The following RIT2 variants were observed in gnomAD, a reference collection of about 807,000 sequenced individuals.
The protein encoded by RIT2 is Ras like without CAAX 2.
RIT2 carries 24 observed loss-of-function variants against 23.7 expected under a neutral mutation model. The ratio of observed to expected loss-of-function variants is 1.01; its 90% CI spans 0.73 to 1.43. The LOEUF (loss-of-function observed/expected upper bound fraction) is 1.43, where lower values mean the gene tolerates loss of function less well. Among genes scored for constraint, RIT2 ranks in the 40% most tolerant of loss-of-function variants. RIT2 has a pLI of 0.00. For missense variants in RIT2, 236 were observed against 266.9 expected (o/e 0.88, Z 0.81); for synonymous variants, 107 against 91.1 (o/e 1.17, Z -0.99).
chr18:42,968,011 G>A (rs546936386), intron 3 of RIT2, among the ~76,000 whole-genome samples: 1 of 152,098 alleles, frequency 6.6e-6, no homozygotes, highest in African/African-American at 2.4e-5. Flanking sequence ...ATATCAAATA[G>A]ACTCAGAACG....
At chr18:42,757,343 T>C (rs190115374) in intron 4 of RIT2, among the ~76,000 whole-genome samples, 47 of 152,320 alleles carry the variant, frequency 3.1e-4, no homozygotes, top group African/African-American at 1.1e-3. Flanking sequence ...CGGGTCATCA[T>C]GCCTTCTTGA....
chr18:43,068,787 A>AG (rs1333506071), intron 1 of RIT2, among the ~76,000 whole-genome samples: 1 of 151,902 alleles, frequency 6.6e-6, no homozygotes, highest in East Asian at 1.9e-4. Context: ...ATAAATACAA[A>AG]AAAAAAAGCA....
At chr18:43,105,867 C>T (rs1047839670) in intron 1 of RIT2, among the ~76,000 whole-genome samples, 1 of 152,106 alleles carries the variant, frequency 6.6e-6, no homozygotes, top group African/African-American at 2.4e-5. Context: ...TACCCAAACC[C>T]CCAGTTCACA....
rs148444947 is a variant in RIT2 at position 42,765,835 on chromosome 18, G to A, written c.427-22115C>T. Among the ~76,000 whole-genome samples the A allele has an allele frequency of 3.1e-3, 464 of 152,128 alleles. 6 individuals are homozygous for A. The highest frequency in any genetic ancestry group is 0.01 in the African/African-American group (424 of 41,504). Reference sequence around the variant, plus strand: ...GTGTTTTGGGAGTAACCCAGTTTTCGGTAATTGAATCATGAGGGCTGGTCT... The same window carrying A: ...GTGTTTTGGGAGTAACCCAGTTTTCAGTAATTGAATCATGAGGGCTGGTCT... On this transcript the variant is annotated intron_variant, in intron 4 of 4. Transcript: ENST00000326695.
intron 2 of RIT2, among the ~76,000 whole-genome samples, chr18:43,021,955 G>A (rs1911608106): frequency 6.6e-6 from 1 of 152,086 alleles, no homozygotes; most frequent in South Asian, 2.1e-4. Context: ...TCGCCATTGG[G>A]AATTTATCCA....
intron 4 of RIT2, among the ~76,000 whole-genome samples, chr18:42,892,663 T>C (rs1022312901): frequency 1.3e-5 from 2 of 152,318 alleles, no homozygotes; most frequent in East Asian, 1.9e-4. Flanking sequence ...TTTAGGATCA[T>C]GTACATAAAA....
At chr18:42,977,383 A>T (rs2144208501) in intron 2 of RIT2, among the ~76,000 whole-genome samples, 1 of 152,212 alleles carries the variant, frequency 6.6e-6, no homozygotes, top group Non-Finnish European at 1.5e-5. Context: ...GCAAAAAGCA[A>T]ACTGAATCAC....
intron 4 of RIT2, among the ~76,000 whole-genome samples, chr18:42,767,933 TC>T (rs1913463924): frequency 6.6e-6 from 1 of 152,054 alleles, no homozygotes; most frequent in Admixed American, 6.5e-5. Flanking sequence ...TTTTGAAGCC[TC>T]CCCAGCCATG....
At position 42,941,629 on chromosome 18, in the gene RIT2, T is replaced by C. The variant is rs141534830; in HGVS notation, c.235-17866A>G. Among the ~76,000 whole-genome samples, 13 of 152,276 alleles carry C rather than the reference T, an allele frequency of 8.5e-5. No homozygotes were observed. In the East Asian group the frequency reaches 1.2e-3, roughly 14 times the overall value. On this transcript the variant is annotated intron_variant, in intron 3 of 4. Transcript: ENST00000326695. ...TAAGCAGTGTTGTTGTGGAGTAGAA[T>C]TAATCACATCAATTTTCTATGGGGA...
intron 1 of RIT2, among the ~76,000 whole-genome samples, chr18:43,066,500 C>T (rs770673769): frequency 1.6e-4 from 24 of 152,104 alleles, no homozygotes; most frequent in Non-Finnish European, 2.8e-4. Flanking sequence ...TTTGAAATAA[C>T]ATGTTCATTA....
At chr18:42,767,318 A>G (rs1460005557) in intron 4 of RIT2, among the ~76,000 whole-genome samples, 1 of 152,238 alleles carries the variant, frequency 6.6e-6, no homozygotes, top group Non-Finnish European at 1.5e-5. Context: ...CATCAGCATG[A>G]CATGGATGTG....
intron 4 of RIT2, among the ~76,000 whole-genome samples, chr18:42,790,182 A>G (rs1321742574): frequency 1.3e-5 from 2 of 152,210 alleles, no homozygotes; most frequent in Non-Finnish European, 2.9e-5. Context: ...CCGAAATTTC[A>G]TATTTCTTAG....
At chr18:42,769,235 C>T (rs143433445) in intron 4 of RIT2, among the ~76,000 whole-genome samples, 124 of 152,266 alleles carry the variant, frequency 8.1e-4, no homozygotes, top group Middle Eastern at 3.4e-3. Flanking sequence ...CTGAAGCCAA[C>T]GGAATTTCCC....
intron 4 of RIT2, among the ~76,000 whole-genome samples, chr18:42,860,607 G>T (rs1907300312): frequency 3.3e-5 from 5 of 152,182 alleles, no homozygotes; most frequent in Admixed American, 3.3e-4. Flanking sequence ...AGAGGATGGG[G>T]AGAATAGACT....
intron 3 of RIT2, among the ~76,000 whole-genome samples, chr18:42,926,257 T>C (rs1909177951): frequency 6.6e-6 from 1 of 151,962 alleles, no homozygotes. Flanking sequence ...ATCAAATTGT[T>C]CCACTTTTAC....
intron 2 of RIT2, among the ~76,000 whole-genome samples, chr18:42,984,322 A>G (rs1480548562): frequency 6.6e-6 from 1 of 152,096 alleles, no homozygotes; most frequent in East Asian, 1.9e-4. Context: ...TTGGTTACAA[A>G]CTGTATGATT....
At chr18:42,893,863 A>G (rs1356530250) in intron 4 of RIT2, among the ~76,000 whole-genome samples, 3 of 152,210 alleles carry the variant, frequency 2.0e-5, no homozygotes, top group African/African-American at 7.2e-5. Flanking sequence ...CTTAGTTAAA[A>G]CTCATTTTTT....
intron 4 of RIT2, among the ~76,000 whole-genome samples, chr18:42,798,791 T>A (rs1457629477): frequency 6.6e-6 from 1 of 152,230 alleles, no homozygotes; most frequent in Non-Finnish European, 1.5e-5. Flanking sequence ...CAGAAAAGGG[T>A]TCTGTCTTTA....
intron 1 of RIT2, among the ~76,000 whole-genome samples, chr18:43,107,467 C>A (rs1470723337): frequency 2.6e-5 from 4 of 152,134 alleles, no homozygotes; most frequent in Non-Finnish European, 5.9e-5. Context: ...TTGTCAGTTT[C>A]TATTAATTAT....
Sources: allele counts gnomAD v4.1 joint callset (sites outside exome capture counted in the v4.1 genomes callset), GRCh38; gene constraint gnomAD v4.1.1; transcripts MANE v1.5; gene names NCBI Gene and HGNC (gene_info 2026-07-23, HGNC 2026-07-21).